GALNT13: variants seen among roughly 807,000 people sequenced by gnomAD.
GALNT13 encodes UDP-GalNAc:polypeptide N-acetylgalactosaminyltransferase 13.
A neutral mutation model predicts 64.2 loss-of-function variants in GALNT13; 28 were observed. That is an observed-to-expected ratio of 0.44 (90% CI 0.32 to 0.60). The LOEUF (loss-of-function observed/expected upper bound fraction) is 0.60, where lower values mean the gene tolerates loss of function less well. GALNT13 is among the 20% of genes least tolerant of loss of function. The pLI is 0.05. For synonymous variants in GALNT13, 214 were observed against 224.6 expected (o/e 0.95, Z 0.42); for missense variants, 577 against 669.8 (o/e 0.86, Z 1.53).
the GALNT13 span, among the ~76,000 whole-genome samples, chr2:153,182,521 T>G: frequency 6.6e-6 from 1 of 152,186 alleles, no homozygotes; most frequent in Non-Finnish European, 1.5e-5. Context: ...TGTTCCATGG[T>G]GGTTTGCTGC....
chr2:153,670,434 T>C, the GALNT13 span, among the ~76,000 whole-genome samples: 1 of 151,958 alleles, frequency 6.6e-6, no homozygotes, highest in African/African-American at 2.4e-5. Context: ...TCCAGCAAAC[T>C]CCAACAGACC....
intron 3 of GALNT13, among the ~76,000 whole-genome samples, chr2:154,011,112 T>C (rs1190400505): frequency 6.6e-6 from 1 of 152,148 alleles, no homozygotes; most frequent in Non-Finnish European, 1.5e-5. Context: ...ATCTGATTTT[T>C]TAAAATTTCT....
At chr2:154,449,480 C>T (rs7419469) in intron 12 of GALNT13, among the ~76,000 whole-genome samples, 8 of 123,880 alleles carry the variant, frequency 6.5e-5, no homozygotes, top group Non-Finnish European at 1.4e-4. Context: ...TGGTAATTTG[C>T]AAAAAAAAAA....
At chr2:153,520,978 C>T in the GALNT13 span, among the ~76,000 whole-genome samples, 1 of 151,892 alleles carries the variant, frequency 6.6e-6, no homozygotes, top group South Asian at 2.1e-4. Context: ...TTATACATTC[C>T]CTATAGCTCC....
At chr2:154,267,133 GA>G (rs1691053364) in intron 8 of GALNT13, among the ~76,000 whole-genome samples, 1 of 151,946 alleles carries the variant, frequency 6.6e-6, no homozygotes, top group African/African-American at 2.4e-5. Context: ...TAGAACAACT[GA>G]ATGTCTATGT....
At chr2:154,288,221 A>G (rs914617782) in intron 8 of GALNT13, among the ~76,000 whole-genome samples, 2 of 152,186 alleles carry the variant, frequency 1.3e-5, no homozygotes, top group South Asian at 2.1e-4. Context: ...GAGACTTACT[A>G]TCACAAGAAC....
At chr2:154,388,508 A>T (rs1698621351) in intron 9 of GALNT13, among the ~76,000 whole-genome samples, 1 of 151,112 alleles carries the variant, frequency 6.6e-6, no homozygotes, top group Non-Finnish European at 1.5e-5. Flanking sequence ...TAGTACTTTT[A>T]CAGTTTCAGA....
intron 3 of GALNT13, among the ~76,000 whole-genome samples, chr2:153,963,729 CTCTGTGTGTGTGTG>C (rs1303376551): frequency 1.5e-3 from 181 of 117,226 alleles, no homozygotes; most frequent in African/African-American, 4.2e-3. Flanking sequence ...CTCTCTCTCT[CTCTGTGTGTGTGTG>C]TGTGTGTGTG....
At chr2:153,702,453 C>A in the GALNT13 span, among the ~76,000 whole-genome samples, 1 of 151,856 alleles carries the variant, frequency 6.6e-6, no homozygotes, top group Admixed American at 6.6e-5. Flanking sequence ...GCACATGTAT[C>A]CCAGAAATTA....
At chr2:154,414,344 C>A (rs1017000228) in intron 11 of GALNT13, among the ~76,000 whole-genome samples, 1 of 151,888 alleles carries the variant, frequency 6.6e-6, no homozygotes, top group Non-Finnish European at 1.5e-5. Context: ...ATTTTACTTA[C>A]GAATGTAATG....
chr2:153,838,771 C>T, the GALNT13 span, among the ~76,000 whole-genome samples: 1 of 151,912 alleles, frequency 6.6e-6, no homozygotes, highest in African/African-American at 2.4e-5. Context: ...TTCAGGAACT[C>T]TTGTGCTTCC....
chr2:154,431,488 A>G (rs1395621749), intron 11 of GALNT13, among the ~76,000 whole-genome samples: 1 of 152,234 alleles, frequency 6.6e-6, no homozygotes, highest in Non-Finnish European at 1.5e-5. Context: ...AATTAATTTA[A>G]CAGAATATTT....
intron 3 of GALNT13, among the ~76,000 whole-genome samples, chr2:153,980,051 G>C (rs1261203565): frequency 6.6e-6 from 1 of 152,156 alleles, no homozygotes; most frequent in African/African-American, 2.4e-5. Flanking sequence ...AATTACAATT[G>C]TGATATATAT....
chr2:153,565,563 C>A, the GALNT13 span, among the ~76,000 whole-genome samples: 86 of 152,098 alleles, frequency 5.7e-4, no homozygotes, highest in South Asian at 1.2e-3. Flanking sequence ...TCCACAAGTT[C>A]TTGGAAACTA....
At chr2:153,512,667 A>T in the GALNT13 span, among the ~76,000 whole-genome samples, 2 of 152,250 alleles carry the variant, frequency 1.3e-5, no homozygotes, top group Non-Finnish European at 2.9e-5. Flanking sequence ...TAAAACACTT[A>T]GGATAACACC....
At chr2:153,863,359 T>C in the GALNT13 span, among the ~76,000 whole-genome samples, 1 of 152,156 alleles carries the variant, frequency 6.6e-6, no homozygotes, top group Admixed American at 6.5e-5. Context: ...CTATAAGTCA[T>C]CAATGCACAA....
At chr2:154,332,710 G>A (rs1695233485) in intron 9 of GALNT13, among the ~76,000 whole-genome samples, 1 of 152,062 alleles carries the variant, frequency 6.6e-6, no homozygotes, top group Non-Finnish European at 1.5e-5. Flanking sequence ...GCTGTGGCCA[G>A]TGCCTCCTCT....
the GALNT13 span, among the ~76,000 whole-genome samples, chr2:153,380,896 G>C: frequency 5.9e-5 from 9 of 152,030 alleles, no homozygotes; most frequent in Middle Eastern, 3.4e-3. Context: ...AGAAATTATA[G>C]CATTTAGTCA....
At position 154,007,935 on chromosome 2, in the gene GALNT13, T is replaced by C. The variant is rs1009046160; in HGVS notation, c.142+63296T>C. ...ATCTATCTTGTATTCAACGCAAAGATAGAACCCTTCATATTTCCACTCCTA... is the reference window on the plus strand; with the variant it reads ...ATCTATCTTGTATTCAACGCAAAGACAGAACCCTTCATATTTCCACTCCTA... On this transcript the variant is annotated intron_variant, in intron 3 of 12. Transcript: ENST00000392825. 9.2e-5 allele frequency among the ~76,000 whole-genome samples: 14 copies of C among 152,050 alleles called. 1 individual carries two copies. The highest frequency in any genetic ancestry group is 8.5e-4 in the Admixed American group (13 of 15,244).
Sources: allele counts gnomAD v4.1 joint callset (sites outside exome capture counted in the v4.1 genomes callset), GRCh38; gene constraint gnomAD v4.1.1; transcripts MANE v1.5; gene names NCBI Gene and HGNC (gene_info 2026-07-23, HGNC 2026-07-21).